The following PDE4D variants were observed in gnomAD, a reference collection of about 807,000 sequenced individuals.
PDE4D encodes the protein 3',5'-cyclic-AMP phosphodiesterase 4D.
In PDE4D, 24 loss-of-function variants were observed where a neutral mutation model predicts 87.4. The observed-to-expected ratio is 0.27, with a 90% CI of 0.20 to 0.39. The LOEUF is 0.39. Among genes scored for constraint, PDE4D ranks in the 10% least tolerant of loss-of-function variants. PDE4D has a pLI of 1.00. For synonymous variants in PDE4D, 384 were observed against 383.2 expected, an observed-to-expected ratio of 1.00 and a Z score of -0.02; for missense variants, 714 against 1,041.0, an observed-to-expected ratio of 0.69 and a Z score of 4.32.
At chr5:59,863,981 G>T (rs1011225412) in intron 1 of PDE4D, among the ~76,000 whole-genome samples, 1 of 152,136 alleles carries the variant, frequency 6.6e-6, no homozygotes, top group Middle Eastern at 3.2e-3. Context: ...GCAGTGCCCT[G>T]CGTGTAGTAT....
At chr5:59,354,226 A>G (rs1479128999) in intron 1 of PDE4D, among the ~76,000 whole-genome samples, 1 of 152,218 alleles carries the variant, frequency 6.6e-6, no homozygotes, top group African/African-American at 2.4e-5. Flanking sequence ...AATGTTGTCC[A>G]ATGTCCAGTT....
chr5:59,946,497 A>T (rs960919061), intron 3 of PDE4D, among the ~76,000 whole-genome samples: 2 of 152,216 alleles, frequency 1.3e-5, no homozygotes, highest in African/African-American at 4.8e-5. Context: ...GTCTTTCACA[A>T]GTCGGAGTGC....
At chr5:60,445,295 C>T (rs1422869476) in intron 1 of PDE4D, among the ~76,000 whole-genome samples, 1 of 151,902 alleles carries the variant, frequency 6.6e-6, no homozygotes, top group Non-Finnish European at 1.5e-5. Flanking sequence ...TGCTGTCCAA[C>T]AAAAAGAGAA....
At chr5:60,082,430 T>A (rs1774058815) in intron 2 of PDE4D, among the ~76,000 whole-genome samples, 1 of 152,220 alleles carries the variant, frequency 6.6e-6, no homozygotes, top group South Asian at 2.1e-4. Context: ...GATAAATGTT[T>A]GTTGCTTAAG....
intron 1 of PDE4D, among the ~76,000 whole-genome samples, chr5:59,769,028 C>A (rs932775494): frequency 6.6e-6 from 1 of 152,066 alleles, no homozygotes; most frequent in Non-Finnish European, 1.5e-5. Context: ...TATCTCCCTA[C>A]AGTCCACGTT....
intron 1 of PDE4D, among the ~76,000 whole-genome samples, chr5:59,830,079 C>A (rs757886985): frequency 3.9e-5 from 6 of 151,978 alleles, no homozygotes; most frequent in Non-Finnish European, 5.9e-5. Flanking sequence ...GTACAGCAAG[C>A]CTTAGTAGAA....
At chr5:59,149,840 A>C (rs1779228030) in intron 5 of PDE4D, among the ~76,000 whole-genome samples, 1 of 150,950 alleles carries the variant, frequency 6.6e-6, no homozygotes, top group Non-Finnish European at 1.5e-5. Context: ...CAGACTCATT[A>C]GATTTTTTTT....
At chr5:59,260,937 C>CAAA (rs3061504) in intron 1 of PDE4D, among the ~76,000 whole-genome samples, 99 of 138,490 alleles carry the variant, frequency 7.1e-4, no homozygotes, top group African/African-American at 2.4e-3. Flanking sequence ...CAATATACAC[C>CAAA]AAAAAAAAAA....
chr5:59,169,803 A>G (rs1376827480), intron 5 of PDE4D, among the ~76,000 whole-genome samples: 1 of 152,142 alleles, frequency 6.6e-6, no homozygotes, highest in Non-Finnish European at 1.5e-5. Flanking sequence ...AATCAAGCCC[A>G]TTCACCTGGG....
At chr5:59,425,515 T>C (rs959236666) in intron 1 of PDE4D, among the ~76,000 whole-genome samples, 18 of 152,046 alleles carry the variant, frequency 1.2e-4, no homozygotes, top group Non-Finnish European at 2.2e-4. Flanking sequence ...GCATGAGAGG[T>C]GGAGGGTAGA....
At chr5:59,119,723 T>G (rs1324090782) in intron 5 of PDE4D, among the ~76,000 whole-genome samples, 1 of 152,188 alleles carries the variant, frequency 6.6e-6, no homozygotes, top group Non-Finnish European at 1.5e-5. Flanking sequence ...GTAAAAATTA[T>G]CAGTAGAGGA....
intron 1 of PDE4D, among the ~76,000 whole-genome samples, chr5:59,347,917 T>C (rs1212238703): frequency 6.6e-6 from 1 of 152,164 alleles, no homozygotes; most frequent in African/African-American, 2.4e-5. Flanking sequence ...TGCTTGAACT[T>C]ATATGCAAAT....
intron 1 of PDE4D, among the ~76,000 whole-genome samples, chr5:60,316,324 C>T (rs1417750240): frequency 6.6e-6 from 1 of 152,072 alleles, no homozygotes; most frequent in Non-Finnish European, 1.5e-5. Flanking sequence ...GTGATTTTTG[C>T]ACATTGATTT....
chr5:59,037,545 C>T (rs1381902342), intron 6 of PDE4D, among the ~76,000 whole-genome samples: 1 of 152,094 alleles, frequency 6.6e-6, no homozygotes, highest in Non-Finnish European at 1.5e-5. Context: ...AGTAAGAGAG[C>T]AATAATTGGT....
chr5:59,278,362 G>T (rs1765212836), intron 1 of PDE4D, among the ~76,000 whole-genome samples: 1 of 152,052 alleles, frequency 6.6e-6, no homozygotes, highest in Non-Finnish European at 1.5e-5. Flanking sequence ...GGGGAGACTG[G>T]ATTTAGGAAC....
intron 3 of PDE4D, among the ~76,000 whole-genome samples, chr5:59,930,124 T>TGCACTTCC (rs1755739161): frequency 8.2e-6 from 1 of 122,144 alleles, no homozygotes; most frequent in Non-Finnish European, 1.6e-5. Context: ...ATCGTGCCAC[T>TGCACTTCC]GCACTTCCAG....
chr5:60,115,713 C>A (rs1778112206), intron 2 of PDE4D, among the ~76,000 whole-genome samples: 1 of 152,050 alleles, frequency 6.6e-6, no homozygotes, highest in Admixed American at 6.6e-5. Context: ...TTTCCAGATT[C>A]AGGCTGTTTA....
intron 2 of PDE4D, among the ~76,000 whole-genome samples, chr5:60,002,020 T>A (rs1764070879): frequency 1.3e-5 from 2 of 152,020 alleles, no homozygotes; most frequent in South Asian, 4.1e-4. Context: ...GAAAGCAATT[T>A]TTTAAATGGC....
chr5:59,441,614 G>A (rs192420468), intron 1 of PDE4D, among the ~76,000 whole-genome samples: 1 of 152,228 alleles, frequency 6.6e-6, no homozygotes, highest in Admixed American at 6.5e-5. Context: ...CCCCAGGTGT[G>A]ATATGACGAT....
Sources: gnomAD v4.1 joint callset for allele counts (sites outside exome capture counted in the v4.1 genomes callset) on GRCh38, gnomAD v4.1.1 for gene constraint, MANE v1.5 for transcripts, NCBI Gene and HGNC (gene_info 2026-07-23, HGNC 2026-07-21) for gene names.